The following SGMS1 variants were observed in gnomAD, a reference collection of about 807,000 sequenced individuals.
SGMS1 encodes phosphatidylcholine:ceramide cholinephosphotransferase 1.
In SGMS1, 13 loss-of-function variants were observed where a neutral mutation model predicts 46.2. The observed-to-expected ratio is 0.28, with a 90% CI of 0.18 to 0.45. SGMS1 has a LOEUF of 0.45. Ranked by LOEUF, SGMS1 falls within the 20% of genes least tolerant of loss-of-function variation. SGMS1 has a pLI of 1.00. For synonymous variants in SGMS1, 203 were observed against 187.8 expected (o/e 1.08, Z -0.66); for missense variants, 324 against 519.9 (o/e 0.62, Z 3.66).
At chr10:50,388,706 T>G (rs908761897) in intron 6 of SGMS1, among the ~76,000 whole-genome samples, 26 of 152,182 alleles carry the variant, frequency 1.7e-4, no homozygotes, top group African/African-American at 6.3e-4. Context: ...ATGGAAAAAG[T>G]GGGCCTATAT....
At chr10:50,512,981 C>T (rs1319655310) in intron 3 of SGMS1, among the ~76,000 whole-genome samples, 2 of 152,178 alleles carry the variant, frequency 1.3e-5, no homozygotes, top group South Asian at 4.1e-4. Context: ...GGCTGAAATA[C>T]ACCACAAAAT....
chr10:50,412,984 C>A (rs1172506458), intron 6 of SGMS1, among the ~76,000 whole-genome samples: 1 of 152,090 alleles, frequency 6.6e-6, no homozygotes, highest in Non-Finnish European at 1.5e-5. Context: ...AAAACAGGAG[C>A]CCTTTTATTT....
intron 6 of SGMS1, among the ~76,000 whole-genome samples, chr10:50,412,475 A>C (rs1293551681): frequency 6.6e-6 from 1 of 152,208 alleles, no homozygotes; most frequent in African/African-American, 2.4e-5. Flanking sequence ...CACACCATTA[A>C]GTCAAATACA....
chr10:50,413,037 C>T (rs937933986), intron 6 of SGMS1, among the ~76,000 whole-genome samples: 1 of 151,974 alleles, frequency 6.6e-6, no homozygotes, highest in African/African-American at 2.4e-5. Context: ...CTTATATATC[C>T]TCCTTCCAAA....
chr10:50,418,263 C>T (rs913413580), intron 6 of SGMS1: 3 of 152,180 alleles, frequency 2.0e-5, no homozygotes, highest in Non-Finnish European at 4.4e-5. Flanking sequence ...CGTTCCCCTG[C>T]TTGCCGGGCC....
At chr10:50,394,492 T>C (rs374603896) in intron 6 of SGMS1, among the ~76,000 whole-genome samples, 8 of 152,198 alleles carry the variant, frequency 5.3e-5, no homozygotes, top group African/African-American at 1.9e-4. Context: ...GAGCACCCAG[T>C]TGGAAACCCC....
intron 6 of SGMS1, among the ~76,000 whole-genome samples, chr10:50,377,825 T>C (rs1256497433): frequency 1.3e-5 from 2 of 152,194 alleles, no homozygotes; most frequent in African/African-American, 4.8e-5. Context: ...CTACTGGCAT[T>C]CCGTGGCATT....
chr10:50,491,366 A>G (rs1412998226), intron 3 of SGMS1, among the ~76,000 whole-genome samples: 1 of 152,154 alleles, frequency 6.6e-6, no homozygotes, highest in Non-Finnish European at 1.5e-5. Flanking sequence ...AAAATAAATA[A>G]ATAAGAATAA....
chr10:50,518,234 A>C (rs1837826225), intron 3 of SGMS1, among the ~76,000 whole-genome samples: 1 of 152,194 alleles, frequency 6.6e-6, no homozygotes, highest in South Asian at 2.1e-4. Context: ...GAATACCTTA[A>C]ATACTGACTG....
intron 5 of SGMS1, among the ~76,000 whole-genome samples, chr10:50,435,921 C>A (rs537319417): frequency 2.0e-5 from 3 of 152,304 alleles, no homozygotes; most frequent in Admixed American, 2.0e-4. Flanking sequence ...AATAAGTACT[C>A]GTCTTTTACC....
At chr10:50,506,789 G>A (rs1172284463) in intron 3 of SGMS1, among the ~76,000 whole-genome samples, 1 of 152,192 alleles carries the variant, frequency 6.6e-6, no homozygotes, top group Non-Finnish European at 1.5e-5. Context: ...AATGTTAATA[G>A]TGGCCACCAT....
At chr10:50,591,813 T>G (rs1588886377) in intron 1 of SGMS1, among the ~76,000 whole-genome samples, 1 of 152,322 alleles carries the variant, frequency 6.6e-6, no homozygotes, top group East Asian at 1.9e-4. Context: ...GCATCAAAAC[T>G]ACAGTTGGGG....
intron 2 of SGMS1, among the ~76,000 whole-genome samples, chr10:50,561,420 C>T (rs1838235387): frequency 6.6e-6 from 1 of 152,184 alleles, no homozygotes; most frequent in Non-Finnish European, 1.5e-5. Flanking sequence ...TCTTAATTAA[C>T]CACGAGCACT....
intron 1 of SGMS1, among the ~76,000 whole-genome samples, chr10:50,613,323 G>A: frequency 6.6e-6 from 1 of 152,116 alleles, no homozygotes. Context: ...CTCACTACTT[G>A]GTGATGACAT....
At chr10:50,507,083 C>G (rs1837713494) in intron 3 of SGMS1, among the ~76,000 whole-genome samples, 1 of 152,184 alleles carries the variant, frequency 6.6e-6, no homozygotes, top group Non-Finnish European at 1.5e-5. Flanking sequence ...AGAGGGGAAG[C>G]AACTGGCACA....
At chr10:50,438,539 G>A (rs1287750080) in intron 5 of SGMS1, among the ~76,000 whole-genome samples, 1 of 152,202 alleles carries the variant, frequency 6.6e-6, no homozygotes, top group African/African-American at 2.4e-5. Flanking sequence ...CTTGACTGTG[G>A]CCTTGCTAAG....
intron 8 of SGMS1, among the ~76,000 whole-genome samples, chr10:50,312,169 T>G (rs866216316): frequency 3.3e-5 from 5 of 152,134 alleles, no homozygotes; most frequent in Admixed American, 6.5e-5. Flanking sequence ...ATTACCATGA[T>G]CCAATTTAAT....
chr10:50,395,866 C>A (rs996843338), intron 6 of SGMS1, among the ~76,000 whole-genome samples: 1 of 152,048 alleles, frequency 6.6e-6, no homozygotes, highest in Non-Finnish European at 1.5e-5. Flanking sequence ...TGGCACAAAT[C>A]AGAGGACCCA....
At chr10:50,575,788 A>G (rs1371259591) in intron 2 of SGMS1, among the ~76,000 whole-genome samples, 1 of 152,204 alleles carries the variant, frequency 6.6e-6, no homozygotes, top group Non-Finnish European at 1.5e-5. Context: ...GCTAGGGAAA[A>G]AACAAAAGCA....
Sources: allele counts gnomAD v4.1 joint callset (sites outside exome capture counted in the v4.1 genomes callset), GRCh38; gene constraint gnomAD v4.1.1; transcripts MANE v1.5; gene names NCBI Gene and HGNC (gene_info 2026-07-23, HGNC 2026-07-21).